DUSP8: variants seen among roughly 807,000 people sequenced by gnomAD.
DUSP8 encodes the protein dual specificity phosphatase 8, also known as dual specificity protein phosphatase 8.
Under a neutral mutation model 38.7 loss-of-function variants are expected in DUSP8, and 15 were observed. The observed-to-expected ratio is 0.39, with a 90% CI of 0.26 to 0.60. DUSP8 has a LOEUF of 0.60. Ranked by LOEUF, DUSP8 falls within the 20% of genes least tolerant of loss-of-function variation. The pLI is 0.56. For missense variants in DUSP8, 768 were observed against 915.0 expected, an observed-to-expected ratio of 0.84 and a Z score of 2.07; for synonymous variants, 458 against 433.9, an observed-to-expected ratio of 1.06 and a Z score of -0.69.
At position 1,556,942 on chromosome 11, in the gene DUSP8, C is replaced by T. The variant is rs1283177784; in HGVS notation, c.1454G>A (p.Arg485Gln). 6 of 1,075,476 alleles carry T rather than the reference C, an allele frequency of 5.6e-6. No individual in the cohort carries two copies. The highest frequency in any genetic ancestry group is 1.7e-5 in the African/African-American group (1 of 58,288). The allele number at this position is 1,075,476 out of a possible 1,614,324, so 66.6% of individuals were successfully genotyped here. A position where few individuals can be genotyped will look rare whatever the true frequency, so the allele number is the denominator to read the frequency against. ...CGCCGACAGGGCCGAGAGGCCGTGC[C>T]GCGGAGTCTGCCGGGCCGCATCGCC... Reference protein sequence around the residue: ...NFGDAARQTPRHGLSALSAPG... With the variant: ...NFGDAARQTPQHGLSALSAPG... The change falls in exon 7 of 7, where the codon CGG becomes CAG. Residue 485 changes from arginine to glutamine, a missense_variant. By Grantham distance (43) the Arg-to-Gln change is conservative (BLOSUM62 1). Coordinates refer to ENST00000397374, the MANE Select transcript of DUSP8 (RefSeq NM_004420.3). The surrounding 1 kb of genome is among the most constrained non-coding windows in gnomAD (Gnocchi z 5.2).
intron 1 of DUSP8, among the ~76,000 whole-genome samples, chr11:1,568,423 C>G (rs1186809331): frequency 6.6e-6 from 1 of 152,128 alleles, no homozygotes; most frequent in Non-Finnish European, 1.5e-5. Flanking sequence ...CCCTGCTCTG[C>G]CTCCTAAGCA....
In DUSP8 at chr11:1,572,034, T is replaced by TCGCCGTCGC. The variant is rs951148813; in HGVS notation, c.-251_-243dup. On this transcript the variant is annotated 5_prime_UTR_variant, in exon 1 of 7. Coordinates refer to ENST00000397374, the MANE Select transcript of DUSP8 (RefSeq NM_004420.3). This position sits in a 1 kb window ranked among gnomAD's most constrained non-coding sequence, Gnocchi z 4.7. ...GGGCCGGGGGAGCGCGCGGGCCGCG[T>TCGCCGTCGC]CGCCGTCGCCGCCGTCGCCGCCGCC... is the stretch of plus-strand genomic sequence containing the variant. 9.0e-5 allele frequency: 13 copies of TCGCCGTCGC among 143,844 alleles called. No individual in the cohort carries two copies. Among genetic ancestry groups the TCGCCGTCGC allele is most frequent in the East Asian group, 2.1e-4 (1 of 4,832 alleles). The allele number at this position is 143,844 out of a possible 1,614,324, so 8.9% of individuals were successfully genotyped here.
chr11:1,564,081 G>A (rs1231970699), intron 2 of DUSP8, 92 bp from the exon 3 acceptor site: 8 of 1,339,040 alleles, frequency 6.0e-6, no homozygotes, highest in Non-Finnish European at 6.8e-6. Context: ...GAATAGTAAG[G>A]GCATCAGATG....
At chr11:1,565,500 C>T (rs1363307069) in intron 2 of DUSP8, 96 bp downstream of exon 2, 10 of 1,003,626 alleles carry the variant, frequency 1.0e-5, no homozygotes, top group Non-Finnish European at 1.3e-5. Context: ...CGAGTTTGGA[C>T]TGGAAGGCAG....
chr11:1,563,083 C>T (rs1186057676), intron 3 of DUSP8, among the ~76,000 whole-genome samples: 2 of 152,124 alleles, frequency 1.3e-5, no homozygotes, highest in Non-Finnish European at 2.9e-5. Flanking sequence ...GCCTGCACCC[C>T]ACAGTCCCCC....
chr11:1,564,054 G>A (rs1367962896), intron 2 of DUSP8, 65 bp from the exon 3 acceptor site: 1 of 1,370,644 alleles, frequency 7.3e-7, no homozygotes, highest in African/African-American at 1.5e-5. Flanking sequence ...CCCCGTCCCA[G>A]ATATGCTGGC....
At chr11:1,569,867 G>A (rs1848861190) in intron 1 of DUSP8, among the ~76,000 whole-genome samples, 1 of 152,184 alleles carries the variant, frequency 6.6e-6, no homozygotes, top group South Asian at 2.1e-4. Flanking sequence ...GGATGCTTCT[G>A]GAGGCAGAAA....
chr11:1,559,234 G>C, intron 3 of DUSP8, 179 bp from the exon 4 acceptor site: 2 of 565,368 alleles, frequency 3.5e-6, no homozygotes, highest in Non-Finnish European at 6.0e-6. Flanking sequence ...GCCCGCGGTG[G>C]GGGGAGGGGG....
intron 3 of DUSP8, 41 bp downstream of exon 3, chr11:1,563,810 G>T (rs1204848572): frequency 4.2e-6 from 6 of 1,444,262 alleles, no homozygotes; most frequent in Non-Finnish European, 5.5e-6. Context: ...CCCACTGCTG[G>T]CGGAGCAAGT....
rs1203838187 is a variant in DUSP8 at position 1,559,116 on chromosome 11, G to A, written c.371-61C>T. ...CACCTAGGGCTCCCTGTCCGCCTAG[G>A]GTGCCCTGTCCGCCTAGGGCACCCC... On this transcript the variant is annotated intron_variant, in intron 3 of 6. Coordinates refer to ENST00000397374, the MANE Select transcript of DUSP8 (RefSeq NM_004420.3). 2.0e-5 allele frequency: 31 copies of A among 1,541,122 alleles called. 1 individual carries two copies. In the South Asian group the frequency reaches 2.9e-4, roughly 14 times the overall value.
intron 2 of DUSP8, among the ~76,000 whole-genome samples, chr11:1,565,366 G>A (rs1208449334): frequency 2.0e-5 from 3 of 152,244 alleles, no homozygotes; most frequent in Non-Finnish European, 4.4e-5. Context: ...CCTGGAGGGA[G>A]GGTAGGGAAG....
intron 3 of DUSP8, among the ~76,000 whole-genome samples, chr11:1,563,284 G>A (rs1183732150): frequency 6.6e-6 from 1 of 152,218 alleles, no homozygotes; most frequent in Non-Finnish European, 1.5e-5. Context: ...CCCAAGGAAA[G>A]AAAGAACCCT....
chr11:1,564,092 A>T (rs944544373), intron 2 of DUSP8, 103 bp from the exon 3 acceptor site: 1 of 1,318,602 alleles, frequency 7.6e-7, no homozygotes, highest in African/African-American at 1.5e-5. Flanking sequence ...GCATCAGATG[A>T]TGGGAGGCAG....
At chr11:1,567,753 TTCCTG>T (rs1229310950) in intron 1 of DUSP8, among the ~76,000 whole-genome samples, 4 of 152,180 alleles carry the variant, frequency 2.6e-5, no homozygotes, top group African/African-American at 9.7e-5. Flanking sequence ...TCAGATAACG[TTCCTG>T]GGCTGGTGCT....
intron 3 of DUSP8, among the ~76,000 whole-genome samples, chr11:1,563,403 A>T (rs1848752417): frequency 6.6e-6 from 1 of 152,036 alleles, no homozygotes; most frequent in African/African-American, 2.4e-5. Flanking sequence ...CTTTTGGGCC[A>T]CAGGGATCCC....
Position 1,557,905 on chromosome 11 carries a change from A to G in DUSP8, c.710T>C (p.Leu237Pro). 1 of 1,613,856 alleles carries G rather than the reference A, an allele frequency of 6.2e-7. No homozygotes were observed. Among genetic ancestry groups the G allele is most frequent in the Non-Finnish European group, 8.5e-7 (1 of 1,179,984 alleles). ...GTGGACGATGACTTGGCAGCTGGAG[A>G]GCTTGGCTTTATCTGGGCAGGTGGG... ...KSIEFIDKAK[L>P]SSCQVIVHCL... Residue 237 changes from leucine (L) to proline (P), a missense_variant, in exon 6 of 7, where the codon CTC becomes CCC. This residue lies in a region of DUSP8 where 252 missense variants were observed against 410.4 expected (regional missense o/e 0.61). Coordinates refer to ENST00000397374, the MANE Select transcript of DUSP8 (RefSeq NM_004420.3). The surrounding 1 kb of genome is among the most constrained non-coding windows in gnomAD (Gnocchi z 9.9).
Position 1,557,580 on chromosome 11 carries a change from G to A in DUSP8, c.822-6C>T, listed in dbSNP as rs765066671. On this transcript the variant is annotated splice_polypyrimidine_tract_variant and splice_region_variant and intron_variant, in intron 6 of 6. Transcript: ENST00000397374. The surrounding 1 kb of genome is among the most constrained non-coding windows in gnomAD (Gnocchi z 9.9). ...GGCGCCTGTCCTTCACGAACCTGCG[G>A]GGGAGGAGGCTCAGTCCCAGGCGCC... is the stretch of plus-strand genomic sequence containing the variant. 7 of 1,567,380 alleles carry A rather than the reference G, an allele frequency of 4.5e-6. No individual in the cohort carries two copies. In the South Asian group the frequency reaches 6.9e-5, roughly 16 times the overall value.
At position 1,554,997 on chromosome 11, in the gene DUSP8, C is replaced by T. The variant is rs1217971896; in HGVS notation, c.*1521G>A. 4 of 986,176 alleles carry T rather than the reference C, an allele frequency of 4.1e-6. No homozygotes were observed. The highest frequency in any genetic ancestry group is 6.1e-5 in the Admixed American group (1 of 16,262). 61.1% of individuals were successfully genotyped at this position (986,176 alleles called of 1,614,324 possible). ...CAAATAGAAGAAACAGCAGAGAGGG[C>T]GGCTGGCTGGGGCGGGATGGGCGCC... On this transcript the variant is annotated 3_prime_UTR_variant, in exon 7 of 7. Transcript: ENST00000397374.
rs1260384949 is a variant in DUSP8, at chr11:1,554,204, C to A, written c.*2314G>T. ...CAGAGACTGGAGGCTCAGCGGGGGA[C>A]CTGCACCCTCTCCTCCGCTGGACTT... On this transcript the variant is annotated 3_prime_UTR_variant, in exon 7 of 7. Coordinates refer to ENST00000397374, the MANE Select transcript of DUSP8 (RefSeq NM_004420.3). 1 of 152,428 alleles carries A rather than the reference C, an allele frequency of 6.6e-6. No individual in the cohort carries two copies. 9.4% of individuals were successfully genotyped at this position (152,428 alleles called of 1,614,324 possible). A position where few individuals can be genotyped will look rare whatever the true frequency, so the allele number is the denominator to read the frequency against.
Sources: gnomAD v4.1 joint callset for allele counts (sites outside exome capture counted in the v4.1 genomes callset) on GRCh38, gnomAD v4.1.1 for gene constraint, gnomAD v4.1.1 regional missense constraint, Gnocchi (gnomAD v3.1) non-coding constraint, MANE v1.5 for transcripts, NCBI Gene and HGNC (gene_info 2026-07-23, HGNC 2026-07-21) for gene names.